Variants in LOXL2 observed in about 807,000 individuals in gnomAD.
LOXL2 encodes the protein lysyl oxidase like 2.
LOXL2 carries 70 observed loss-of-function variants against 93.0 expected under a neutral mutation model. The ratio of observed to expected loss-of-function variants is 0.75; its 90% CI spans 0.62 to 0.92. LOXL2 has a LOEUF of 0.92. Ranked by LOEUF, LOXL2 falls within the 40% of genes least tolerant of loss-of-function variation. The pLI is 0.00. For missense variants in LOXL2, 973 were observed against 1,054.9 expected, an observed-to-expected ratio of 0.92 and a Z score of 1.08; for synonymous variants, 438 against 413.2, an observed-to-expected ratio of 1.06 and a Z score of -0.73.
At chr8:23,328,749 TG>T in intron 5 of LOXL2, 184 bp from the exon 6 acceptor site, 4 of 360,762 alleles carry the variant, frequency 1.1e-5, no homozygotes, top group Non-Finnish European at 1.5e-5. Flanking sequence ...GTGTGTGTCG[TG>T]GGTGTGTTGG....
intron 2 of LOXL2, among the ~76,000 whole-genome samples, chr8:23,367,459 A>C (rs1804422026): frequency 6.6e-6 from 1 of 152,220 alleles, no homozygotes; most frequent in South Asian, 2.1e-4. Context: ...GCCTATTGTG[A>C]CCAAGCCCAC....
chr8:23,355,131 G>T (rs1804172265), intron 3 of LOXL2, among the ~76,000 whole-genome samples: 1 of 151,376 alleles, frequency 6.6e-6, no homozygotes, highest in Admixed American at 6.6e-5. Context: ...TTTTAGTAGA[G>T]ACGGGGTTTC....
chr8:23,386,153 G>A, intron 1 of LOXL2: 1 of 687,244 alleles, frequency 1.5e-6, no homozygotes, highest in Non-Finnish European at 2.7e-6. Flanking sequence ...TACCAGAGCA[G>A]ACACCCTTAT....
Position 23,392,792 on chromosome 8 carries a change from C to T in LOXL2, c.-84+11162G>A, listed in dbSNP as rs760265705. Among the ~76,000 whole-genome samples the T allele has an allele frequency of 9.3e-4, 141 of 152,140 alleles. 1 individual carries two copies. The highest frequency in any genetic ancestry group is 6.8e-4 in the Non-Finnish European group (46 of 68,042). ...TGAACACCTACTCTTTAAGAATCGA[C>T]TCACGTGTGTGTATAAAACATCCTA... On this transcript the variant is annotated intron_variant, in intron 1 of 13. Coordinates refer to ENST00000389131, the MANE Select transcript of LOXL2 (RefSeq NM_002318.3).
At chr8:23,318,425 G>GCACACACACA (rs59051890) in intron 8 of LOXL2, among the ~76,000 whole-genome samples, 21 of 145,750 alleles carry the variant, frequency 1.4e-4, no homozygotes, top group African/African-American at 5.5e-4. Flanking sequence ...TTGGTTGATA[G>GCACACACACA]CACACACACA....
At chr8:23,400,390 T>G (rs1195490626) in intron 1 of LOXL2, among the ~76,000 whole-genome samples, 1 of 152,142 alleles carries the variant, frequency 6.6e-6, no homozygotes, top group African/African-American at 2.4e-5. Context: ...GGACTCCCAT[T>G]TATAAAACCA....
intron 1 of LOXL2, chr8:23,385,644 G>A: frequency 2.5e-6 from 1 of 407,212 alleles, no homozygotes; most frequent in Middle Eastern, 7.2e-4. Context: ...GTATCAATCA[G>A]CATGTGAGAA....
At chr8:23,300,294 T>G (rs77975923) in intron 12 of LOXL2, among the ~76,000 whole-genome samples, 5,033 of 152,278 alleles carry the variant, frequency 0.033, 288 homozygotes, top group African/African-American at 0.11. Flanking sequence ...GACCGACATC[T>G]CACGAGGGCC....
At chr8:23,364,173 GC>G (rs1804355565) in intron 2 of LOXL2, 1 of 150,582 alleles carries the variant, frequency 6.6e-6, no homozygotes, top group Non-Finnish European at 1.5e-5. Context: ...ACTGCAAAGG[GC>G]CCTTTTTTTT....
rs73549884 is a variant in LOXL2 at position 23,389,873 on chromosome 8, C to G, written c.-84+14081G>C. On this transcript the variant is annotated intron_variant, in intron 1 of 13. Coordinates refer to ENST00000389131, the MANE Select transcript of LOXL2 (RefSeq NM_002318.3). ...CAGCACTGGCTCCACATCTTGTGCC[C>G]TGGAGCTCCCAGCAACAGTCCTGCC... is the stretch of plus-strand genomic sequence containing the variant. Among the ~76,000 whole-genome samples the G allele has an allele frequency of 2.6e-3, 402 of 152,236 alleles. 1 individual carries two copies. Among genetic ancestry groups the G allele is most frequent in the African/African-American group, 9.3e-3 (388 of 41,530 alleles).
At chr8:23,355,285 T>C (rs986271581) in intron 3 of LOXL2, among the ~76,000 whole-genome samples, 1 of 149,580 alleles carries the variant, frequency 6.7e-6, no homozygotes, top group Non-Finnish European at 1.5e-5. Flanking sequence ...TGCATGGTAG[T>C]AGTTCAAGTA....
At chr8:23,300,168 G>A (rs35298295) in intron 12 of LOXL2, among the ~76,000 whole-genome samples, 45,622 of 152,144 alleles carry the variant, frequency 0.3, 7,241 homozygotes, top group East Asian at 0.36. Flanking sequence ...AGCCGTGAGG[G>A]CGGCTGGATG....
At chr8:23,361,190 C>T (rs73224487) in intron 2 of LOXL2, among the ~76,000 whole-genome samples, 3 of 152,014 alleles carry the variant, frequency 2.0e-5, no homozygotes, top group Admixed American at 1.3e-4. Flanking sequence ...TGAGGCACTG[C>T]GCCCGGCCTG....
At position 23,319,927 on chromosome 8, in the gene LOXL2, GACC is replaced by G; in HGVS notation, c.1425_1427del (p.Val476del). 6.2e-7 allele frequency: 1 copy of G among 1,613,996 alleles called. No homozygotes were observed. The highest frequency in any genetic ancestry group is 8.5e-7 in the Non-Finnish European group (1 of 1,179,956). Reference sequence around the variant, plus strand: ...CGAATCCCAGGCCCAGCTGGCGGCAGACCACCATGGCCTCCACGATGCCCCAGT... The same window carrying G: ...CGAATCCCAGGCCCAGCTGGCGGCAGACCATGGCCTCCACGATGCCCCAGT... On this transcript the variant is annotated inframe_deletion, in exon 8 of 14. Coordinates refer to ENST00000389131, the MANE Select transcript of LOXL2 (RefSeq NM_002318.3).
chr8:23,349,295 G>T (rs886690318), intron 3 of LOXL2, among the ~76,000 whole-genome samples: 1 of 152,130 alleles, frequency 6.6e-6, no homozygotes, highest in Non-Finnish European at 1.5e-5. Flanking sequence ...GCATTCAAGG[G>T]TCTCGCTCAG....
chr8:23,395,317 C>CAAAAAA (rs111889384), intron 1 of LOXL2, among the ~76,000 whole-genome samples: 1 of 82,056 alleles, frequency 1.2e-5, no homozygotes, highest in Non-Finnish European at 2.5e-5. Flanking sequence ...AAAGCCAGAC[C>CAAAAAA]AAAAAAAAAA....
intron 3 of LOXL2, among the ~76,000 whole-genome samples, chr8:23,355,491 C>G (rs1006070952): frequency 1.6e-5 from 2 of 128,630 alleles, no homozygotes; most frequent in Middle Eastern, 5.2e-3. Context: ...ATTCTTCTAT[C>G]TGTAAAGCAG....
intron 1 of LOXL2, among the ~76,000 whole-genome samples, chr8:23,369,550 G>A (rs1303718799): frequency 6.6e-6 from 1 of 152,164 alleles, no homozygotes; most frequent in East Asian, 1.9e-4. Flanking sequence ...TGTAGTCAGA[G>A]CTGTCCAGAG....
intron 1 of LOXL2, among the ~76,000 whole-genome samples, chr8:23,399,015 T>C (rs564179062): frequency 2.2e-4 from 34 of 152,374 alleles, no homozygotes; most frequent in African/African-American, 7.9e-4. Flanking sequence ...TTCTGATGTC[T>C]TGCTTCAACT....
Sources: allele counts gnomAD v4.1 joint callset (sites outside exome capture counted in the v4.1 genomes callset), GRCh38; gene constraint gnomAD v4.1.1; transcripts MANE v1.5; gene names NCBI Gene and HGNC (gene_info 2026-07-23, HGNC 2026-07-21).